Variants in TMEM135 observed in about 807,000 individuals in gnomAD.
TMEM135 encodes peroxisomal membrane protein 52.
Under a neutral mutation model 60.3 loss-of-function variants are expected in TMEM135, and 30 were observed. The ratio of observed to expected loss-of-function variants is 0.50; its 90% CI spans 0.37 to 0.68. The LOEUF (loss-of-function observed/expected upper bound fraction) is 0.68. TMEM135 is among the 30% of genes least tolerant of loss of function. The probability of loss-of-function intolerance (pLI) is 0.00; values close to 1 mark genes in which losing one functional copy is unlikely to be tolerated. For missense variants in TMEM135, 468 were observed against 548.8 expected (o/e 0.85, Z 1.47); for synonymous variants, 190 against 186.7 (o/e 1.02, Z -0.14).
chr11:87,297,001 T>TA (rs1188041330), intron 7 of TMEM135, among the ~76,000 whole-genome samples: 1 of 152,088 alleles, frequency 6.6e-6, no homozygotes, highest in Non-Finnish European at 1.5e-5. Flanking sequence ...AGGTCAGCAG[T>TA]AGGGAGCTAC....
intron 6 of TMEM135, chr11:87,277,346 G>T (rs868697507): frequency 8.5e-6 from 3 of 353,410 alleles, no homozygotes; most frequent in Middle Eastern, 7.9e-4. Context: ...AGCCAGGCTG[G>T]TCTTGAATTC....
chr11:87,090,671 A>G (rs1437676581), intron 3 of TMEM135, among the ~76,000 whole-genome samples: 3 of 152,130 alleles, frequency 2.0e-5, no homozygotes, highest in Admixed American at 1.3e-4. Context: ...CATTTCTCAT[A>G]TGCAGTATAA....
At chr11:87,094,499 C>A (rs6592333) in intron 4 of TMEM135, among the ~76,000 whole-genome samples, 42,107 of 151,990 alleles carry the variant, frequency 0.28, 6,000 homozygotes, top group African/African-American at 0.32. Context: ...TTTTTCAATA[C>A]TACTTCTTTC....
At chr11:87,129,752 G>A (rs190424374) in intron 4 of TMEM135, among the ~76,000 whole-genome samples, 1 of 152,140 alleles carries the variant, frequency 6.6e-6, no homozygotes, top group East Asian at 1.9e-4. Flanking sequence ...TGTTAGCCAT[G>A]CCGGTCTCAA....
intron 4 of TMEM135, among the ~76,000 whole-genome samples, chr11:87,105,852 T>C (rs993248948): frequency 1.3e-5 from 2 of 152,206 alleles, no homozygotes; most frequent in African/African-American, 4.8e-5. Flanking sequence ...CTCACCCTAC[T>C]GTGCTATAGA....
In TMEM135 at chr11:87,287,587, G is replaced by A. The variant is rs559303758; in HGVS notation, c.510-8195G>A. ...AGCTAGTCGGGAAGCTGAGGCAGGA[G>A]AATCGCTTGAACCCAGGAGGCGGAG... On this transcript the variant is annotated intron_variant, in intron 6 of 14. Coordinates refer to ENST00000305494, the MANE Select transcript of TMEM135 (RefSeq NM_022918.4). 5.1e-4 allele frequency among the ~76,000 whole-genome samples: 77 copies of A among 152,334 alleles called. 1 individual carries two copies. The Middle Eastern group carries it at 0.024, about 47-fold the overall frequency.
chr11:87,322,468 A>T lies in TMEM135; in HGVS notation c.*1135A>T. 2.2e-6 allele frequency: 1 copy of T among 454,026 alleles called. No individual in the cohort carries two copies. Among genetic ancestry groups the T allele is most frequent in the Non-Finnish European group, 4.4e-6 (1 of 226,738 alleles). The allele number at this position is 454,026 out of a possible 1,614,324, so 28.1% of individuals were successfully genotyped here. A position where few individuals can be genotyped will look rare whatever the true frequency, so the allele number is the denominator to read the frequency against. On this transcript the variant is annotated 3_prime_UTR_variant, in exon 15 of 15. Coordinates refer to ENST00000305494, the MANE Select transcript of TMEM135 (RefSeq NM_022918.4). ...ATAAAGTCCTGCTGATAATGAGAGTAGTTCAGGACAGCTGTGATTGAAATA... is the reference window on the plus strand; with the variant it reads ...ATAAAGTCCTGCTGATAATGAGAGTTGTTCAGGACAGCTGTGATTGAAATA...
In TMEM135 at chr11:87,323,477, T is replaced by C. The variant is rs1172560973; in HGVS notation, c.*2144T>C. The C allele has an allele frequency of 8.8e-6, 4 of 453,938 alleles. No homozygotes were observed. Among genetic ancestry groups the C allele is most frequent in the South Asian group, 1.6e-5 (1 of 64,466 alleles). The allele number at this position is 453,938 out of a possible 1,614,324, so 28.1% of individuals were successfully genotyped here. A position where few individuals can be genotyped will look rare whatever the true frequency, so the allele number is the denominator to read the frequency against. On this transcript the variant is annotated 3_prime_UTR_variant, in exon 15 of 15. Transcript: ENST00000305494. ...CTACCTCTAACTAATCAGGTATTGA[T>C]TGACAACTTTTTGGCATTATAAATA...
intron 4 of TMEM135, among the ~76,000 whole-genome samples, chr11:87,094,160 C>T (rs1001609726): frequency 6.6e-6 from 1 of 151,996 alleles, no homozygotes; most frequent in Admixed American, 6.6e-5. Context: ...TTTAATTGGT[C>T]GTGAAACTTT....
At chr11:87,120,502 C>T (rs1192249936) in intron 4 of TMEM135, among the ~76,000 whole-genome samples, 9 of 105,384 alleles carry the variant, frequency 8.5e-5, no homozygotes, top group Admixed American at 2.8e-4. Flanking sequence ...GACAGAGTTT[C>T]GCTCTGTCAC....
intron 3 of TMEM135, among the ~76,000 whole-genome samples, chr11:87,085,054 A>G (rs1396592134): frequency 1.3e-5 from 2 of 152,230 alleles, no homozygotes; most frequent in African/African-American, 4.8e-5. Flanking sequence ...CAAATGTAAA[A>G]CAATAAATTG....
intron 4 of TMEM135, among the ~76,000 whole-genome samples, chr11:87,147,581 C>T (rs1416443533): frequency 6.6e-6 from 1 of 152,100 alleles, no homozygotes; most frequent in Non-Finnish European, 1.5e-5. Context: ...AAGAAAATCA[C>T]CCAGAGATTA....
At chr11:87,234,748 G>C (rs946574360) in intron 5 of TMEM135, among the ~76,000 whole-genome samples, 3 of 151,996 alleles carry the variant, frequency 2.0e-5, no homozygotes, top group Non-Finnish European at 4.4e-5. Flanking sequence ...TTCAAACCCA[G>C]ATCTATCTTA....
At position 87,324,632 on chromosome 11, in the gene TMEM135, T is replaced by A. The variant is rs1474566473; in HGVS notation, c.*3299T>A. ...TTTTTGTAGAAACAAGGTGTTGCTATGTTGTCCAGGCTGGTCTTAAACTCC... is the reference window on the plus strand; with the variant it reads ...TTTTTGTAGAAACAAGGTGTTGCTAAGTTGTCCAGGCTGGTCTTAAACTCC... On this transcript the variant is annotated 3_prime_UTR_variant, in exon 15 of 15. Transcript: ENST00000305494. The A allele has an allele frequency of 2.2e-6, 1 of 444,874 alleles. No individual in the cohort carries two copies. The highest frequency in any genetic ancestry group is 4.4e-6 in the Non-Finnish European group (1 of 224,724). The allele number at this position is 444,874 out of a possible 1,614,324, so 27.6% of individuals were successfully genotyped here.
At position 87,325,508 on chromosome 11, in the gene TMEM135, C is replaced by T. The variant is rs1227294457; in HGVS notation, c.*4175C>T. The stretch of plus-strand genomic sequence containing the variant: ...ATGTGGGCTCTCTCTCTCTCCCTCT[C>T]TCTCTCTCTCTGTCTGTCTCTCTTG... On this transcript the variant is annotated 3_prime_UTR_variant, in exon 15 of 15. Coordinates refer to ENST00000305494, the MANE Select transcript of TMEM135 (RefSeq NM_022918.4). 1 of 453,792 alleles carries T rather than the reference C, an allele frequency of 2.2e-6. No homozygotes were observed. Among genetic ancestry groups the T allele is most frequent in the Non-Finnish European group, 4.4e-6 (1 of 226,640 alleles). 28.1% of individuals were successfully genotyped at this position (453,792 alleles called of 1,614,324 possible).
At chr11:87,042,114 T>G (rs577474376) in intron 1 of TMEM135, among the ~76,000 whole-genome samples, 8 of 152,364 alleles carry the variant, frequency 5.3e-5, no homozygotes, top group African/African-American at 1.9e-4. Flanking sequence ...GCCTTCAGAA[T>G]GAAGACCCAA....
At chr11:87,237,596 G>T (rs998341588) in intron 6 of TMEM135, among the ~76,000 whole-genome samples, 1 of 151,858 alleles carries the variant, frequency 6.6e-6, no homozygotes, top group Non-Finnish European at 1.5e-5. Context: ...TTTTTGTGGG[G>T]ACATAGTAGT....
intron 5 of TMEM135, among the ~76,000 whole-genome samples, chr11:87,173,787 G>A (rs1450573413): frequency 1.3e-5 from 2 of 152,118 alleles, no homozygotes; most frequent in African/African-American, 4.8e-5. Context: ...TTGATCCACA[G>A]CTATACTAAT....
chr11:87,168,670 CTGTT>C (rs1939139292), intron 5 of TMEM135, among the ~76,000 whole-genome samples: 1 of 152,072 alleles, frequency 6.6e-6, no homozygotes, highest in Non-Finnish European at 1.5e-5. Flanking sequence ...GTCTCAGAGA[CTGTT>C]TGTTATGATT....
Sources: gnomAD v4.1 joint callset for allele counts (sites outside exome capture counted in the v4.1 genomes callset) on GRCh38, gnomAD v4.1.1 for gene constraint, MANE v1.5 for transcripts, NCBI Gene and HGNC (gene_info 2026-07-23, HGNC 2026-07-21) for gene names.